The following NBAS variants were observed in gnomAD, a reference collection of about 807,000 sequenced individuals.
NBAS encodes NBAS subunit of NRZ tethering complex.
A neutral mutation model predicts 302.5 loss-of-function variants in NBAS; 219 were observed. The ratio of observed to expected loss-of-function variants is 0.72; its 90% CI spans 0.65 to 0.81. The LOEUF is 0.81. NBAS is among the 30% of genes least tolerant of loss of function. NBAS has a pLI of 0.00. For missense variants in NBAS, 2,932 were observed against 2,841.6 expected (o/e 1.03, Z -0.72); for synonymous variants, 1,118 against 1,021.6 (o/e 1.09, Z -1.80).
At chr2:14,919,813 C>T in the NBAS span, among the ~76,000 whole-genome samples, 1 of 152,270 alleles carries the variant, frequency 6.6e-6, no homozygotes, top group East Asian at 1.9e-4. Flanking sequence ...CTTCAGGCTC[C>T]ACTTCTAATT....
chr2:15,402,975 T>C (rs78484862), intron 25 of NBAS, among the ~76,000 whole-genome samples: 3,691 of 152,212 alleles, frequency 0.024, 146 homozygotes, highest in African/African-American at 0.084. Context: ...ATATTAACAA[T>C]ACCTTTCTAA....
chr2:14,874,765 G>A, the NBAS span, among the ~76,000 whole-genome samples: 18 of 151,262 alleles, frequency 1.2e-4, no homozygotes, highest in African/African-American at 4.1e-4. Flanking sequence ...CTACATACTT[G>A]GAAAATACAA....
At chr2:15,443,151 T>C (rs1678526580) in intron 21 of NBAS, among the ~76,000 whole-genome samples, 1 of 152,166 alleles carries the variant, frequency 6.6e-6, no homozygotes, top group African/African-American at 2.4e-5. Flanking sequence ...TAACTCATTT[T>C]ACGAGGCCAG....
At chr2:15,222,187 GA>G (rs1188174225) in intron 47 of NBAS, among the ~76,000 whole-genome samples, 1 of 152,166 alleles carries the variant, frequency 6.6e-6, no homozygotes, top group Non-Finnish European at 1.5e-5. Context: ...CATGAAATGG[GA>G]ATGATAGAGG....
the NBAS span, among the ~76,000 whole-genome samples, chr2:15,098,723 T>C: frequency 7.1e-6 from 1 of 140,596 alleles, no homozygotes; most frequent in African/African-American, 2.6e-5. Context: ...ATATTATATA[T>C]ATTATATATT....
chr2:15,001,365 C>T, the NBAS span, among the ~76,000 whole-genome samples: 1 of 151,998 alleles, frequency 6.6e-6, no homozygotes, highest in South Asian at 2.1e-4. Context: ...AACAAACAGC[C>T]ACACATTTGC....
At chr2:15,555,131 G>A (rs571894418) in intron 3 of NBAS, among the ~76,000 whole-genome samples, 1 of 152,118 alleles carries the variant, frequency 6.6e-6, no homozygotes, top group Non-Finnish European at 1.5e-5. Flanking sequence ...TGTGCCTATA[G>A]TCGCAGCTAC....
At chr2:15,551,970 T>C (rs138517553) in intron 5 of NBAS, among the ~76,000 whole-genome samples, 6 of 152,176 alleles carry the variant, frequency 3.9e-5, no homozygotes, top group African/African-American at 1.4e-4. Context: ...AAGTCTTATT[T>C]TGAGAAATCA....
At chr2:15,014,719 T>C in the NBAS span, among the ~76,000 whole-genome samples, 1 of 151,866 alleles carries the variant, frequency 6.6e-6, no homozygotes, top group Non-Finnish European at 1.5e-5. Context: ...AACTTAATGA[T>C]ACATCTGAAG....
chr2:14,928,722 G>C, the NBAS span, among the ~76,000 whole-genome samples: 1 of 151,634 alleles, frequency 6.6e-6, no homozygotes, highest in South Asian at 2.1e-4. Context: ...CCAAATCACA[G>C]AATTTTAGGA....
In NBAS at chr2:15,330,715, G is replaced by T; in HGVS notation, c.4230C>A (p.Thr1410=). Residue 1410 remains threonine, a synonymous_variant, in exon 36 of 52, where the codon ACC becomes ACA. Transcript: ENST00000281513. ...AAAGGACTTTCATGGTGGTAGCAGTGGTCCAGCGCAATAGGTCAGCTGAAT... is the reference window on the plus strand; with the variant it reads ...AAAGGACTTTCATGGTGGTAGCAGTTGTCCAGCGCAATAGGTCAGCTGAAT... ...GSNSADLLRW[T]TATTMKVLSN... is the part of the protein sequence containing the mutation. 6.2e-7 allele frequency: 1 copy of T among 1,613,942 alleles called. No homozygotes were observed. Among genetic ancestry groups the T allele is most frequent in the Non-Finnish European group, 8.5e-7 (1 of 1,179,930 alleles).
chr2:14,923,231 A>G, the NBAS span, among the ~76,000 whole-genome samples: 3 of 151,860 alleles, frequency 2.0e-5, no homozygotes, highest in African/African-American at 4.8e-5. Context: ...ATTCATTACT[A>G]TAAGTCAATG....
the NBAS span, among the ~76,000 whole-genome samples, chr2:15,116,317 G>A: frequency 6.6e-6 from 1 of 152,268 alleles, no homozygotes; most frequent in South Asian, 2.1e-4. Flanking sequence ...ATTTCTTACA[G>A]TTCCCAAGGC....
intron 21 of NBAS, among the ~76,000 whole-genome samples, chr2:15,444,773 T>C (rs1327030398): frequency 6.6e-6 from 1 of 151,686 alleles, no homozygotes; most frequent in Non-Finnish European, 1.5e-5. Flanking sequence ...AGGGCTAATA[T>C]CCAGAATCTA....
chr2:15,306,518 A>G (rs1671040834), intron 40 of NBAS, among the ~76,000 whole-genome samples: 1 of 152,166 alleles, frequency 6.6e-6, no homozygotes, highest in Non-Finnish European at 1.5e-5. Context: ...TACCACCACA[A>G]ATGGAAGGTT....
chr2:15,383,098 C>G (rs1487877722), intron 29 of NBAS, 117 bp downstream of exon 29: 12 of 832,996 alleles, frequency 1.4e-5, no homozygotes, highest in Non-Finnish European at 1.9e-6. Context: ...CAGTTATTAG[C>G]TATTATTAAA....
At chr2:15,156,120 T>C in the NBAS span, among the ~76,000 whole-genome samples, 1 of 152,188 alleles carries the variant, frequency 6.6e-6, no homozygotes, top group Non-Finnish European at 1.5e-5. Context: ...TTTTTCATTG[T>C]TCCTTTGAAC....
At chr2:15,459,140 T>C (rs13387025) in intron 21 of NBAS, among the ~76,000 whole-genome samples, 2,761 of 152,274 alleles carry the variant, frequency 0.018, 84 homozygotes, top group African/African-American at 0.063. Flanking sequence ...TAAAATCAAA[T>C]GCTTATCTAA....
rs543271555 is a variant in NBAS, at chr2:15,188,284, A to G, written c.6573-1404T>C. On this transcript the variant is annotated intron_variant, in intron 49 of 51. Coordinates refer to ENST00000281513, the MANE Select transcript of NBAS (RefSeq NM_015909.4). ...TAGTAAATTATAGTCATGTGGATCA[A>G]ACAAATGTCTTAAGTTGTAACCTTT... Among the ~76,000 whole-genome samples, 17 of 152,382 alleles carry G rather than the reference A, an allele frequency of 1.1e-4. No individual in the cohort carries two copies. The South Asian group carries it at 2.5e-3, about 22-fold the overall frequency.
Sources: allele counts gnomAD v4.1 joint callset (sites outside exome capture counted in the v4.1 genomes callset), GRCh38; gene constraint gnomAD v4.1.1; transcripts MANE v1.5; gene names NCBI Gene and HGNC (gene_info 2026-07-23, HGNC 2026-07-21).